FRMPD3: variants seen among roughly 807,000 people sequenced by gnomAD.
FRMPD3 encodes FERM and PDZ domain containing 3, also known as FERM and PDZ domain-containing protein 3.
FRMPD3 carries 42 observed loss-of-function variants against 97.9 expected under a neutral mutation model. The observed-to-expected ratio is 0.43, with a 90% CI of 0.34 to 0.55. The LOEUF (loss-of-function observed/expected upper bound fraction) is 0.55, where lower values mean the gene tolerates loss of function less well. Among genes scored for constraint, FRMPD3 ranks in the 20% least tolerant of loss-of-function variants. The pLI, the probability that FRMPD3 is intolerant of heterozygous loss-of-function variation, is 0.03. For synonymous variants in FRMPD3, 577 were observed against 581.1 expected (o/e 0.99, Z 0.10); for missense variants, 1,303 against 1,457.7 (o/e 0.89, Z 1.73).
At position 107,600,547 on chromosome X, in the gene FRMPD3, G is replaced by A. The variant is rs1451679884; in HGVS notation, c.2508G>A (p.Pro836=). 26 of 1,210,758 alleles carry A rather than the reference G, an allele frequency of 2.1e-5. No individual in the cohort carries two copies. The highest frequency in any genetic ancestry group is 5.3e-5 in the South Asian group (3 of 56,955). ...CGGCCCCTTACTCTCTTGGGCGCCC[G>A]GATCCCAACCCATCTCTCCAACCCA... ...VLTAPYSLGR[P]DPNPSLQPIA... Residue 836 remains proline, a synonymous_variant, in exon 15 of 15, where the codon CCG becomes CCA. Coordinates refer to ENST00000683843, the MANE Select transcript of FRMPD3 (RefSeq NM_001388459.1).
chrX:107,454,647 T>C (rs1931346369), intron 1 of FRMPD3, among the ~76,000 whole-genome samples: 1 of 111,764 alleles, frequency 8.9e-6, no homozygotes, highest in African/African-American at 3.3e-5. Flanking sequence ...ATTAATGTTG[T>C]GGAATATCCT....
intron 5 of FRMPD3, 41 bp from the exon 6 acceptor site, chrX:107,550,008 A>G: frequency 3.3e-6 from 3 of 915,410 alleles, no homozygotes; most frequent in Non-Finnish European, 4.7e-6. Flanking sequence ...ACTTCCTTCT[A>G]AATGAGCCGG....
chrX:107,602,917 GTATA>G lies in FRMPD3; in HGVS notation c.4879_4882del (p.Tyr1627SerfsTer4). 3.3e-6 allele frequency: 4 copies of G among 1,211,324 alleles called. No individual in the cohort carries two copies. Among genetic ancestry groups the G allele is most frequent in the Non-Finnish European group, 4.5e-6 (4 of 895,510 alleles). On this transcript the variant is annotated frameshift_variant, in exon 15 of 15. Transcript: ENST00000683843. LOFTEE classifies it high-confidence loss of function. ...AGCCCTATGTGTCTCAGATCTCCGA[GTATA>G]AGCTTGAGCTAGCTCTCAAGTTCAA...
At chrX:107,478,898 G>T (rs1309339507) in intron 1 of FRMPD3, among the ~76,000 whole-genome samples, 1 of 111,556 alleles carries the variant, frequency 9.0e-6, no homozygotes, top group Non-Finnish European at 1.9e-5. Context: ...GGTTTGGGGT[G>T]GGGTGGGGGT....
At chrX:107,547,575 T>G (rs1456144821) in intron 5 of FRMPD3, among the ~76,000 whole-genome samples, 1 of 111,597 alleles carries the variant, frequency 9.0e-6, no homozygotes, top group Non-Finnish European at 1.9e-5. Context: ...AGTGTGAGGC[T>G]CTTGTCTGGG....
chrX:107,468,439 G>A (rs1931613584), intron 1 of FRMPD3, among the ~76,000 whole-genome samples: 1 of 112,210 alleles, frequency 8.9e-6, no homozygotes, highest in African/African-American at 3.2e-5. Flanking sequence ...TCCCTGCCCT[G>A]CTGGAGCATG....
intron 1 of FRMPD3, among the ~76,000 whole-genome samples, chrX:107,459,768 C>T (rs1345688465): frequency 8.9e-6 from 1 of 112,580 alleles, no homozygotes. Context: ...CAGGACCACC[C>T]AATCAAACAG....
At chrX:107,503,395 A>G (rs1921960148) in intron 1 of FRMPD3, among the ~76,000 whole-genome samples, 1 of 112,007 alleles carries the variant, frequency 8.9e-6, no homozygotes, top group African/African-American at 3.2e-5. Flanking sequence ...CTCTTGATAT[A>G]TGGGGGAAAC....
chrX:107,572,252 T>C (rs1922919710), intron 12 of FRMPD3, among the ~76,000 whole-genome samples: 1 of 111,010 alleles, frequency 9.0e-6, no homozygotes, highest in Admixed American at 9.6e-5. Context: ...TAGGTTAAGG[T>C]ATGAAGATGT....
In FRMPD3 at chrX:107,603,107, C is replaced by G. The variant is rs1245172523; in HGVS notation, c.5068C>G (p.Leu1690Val). 4 of 1,210,817 alleles carry G rather than the reference C, an allele frequency of 3.3e-6. No individual in the cohort carries two copies. Among genetic ancestry groups the G allele is most frequent in the Non-Finnish European group, 4.5e-6 (4 of 895,394 alleles). ...CTCCGAGGCCCAGCGCCAAGAGCTG[C>G]TGGCCAAGGTAGAAGAGGTGGTGAG... Reference protein sequence around the residue: ...VRSEAQRQELLAKVEEVVRNY... With the variant: ...VRSEAQRQELVAKVEEVVRNY... The change falls in exon 15 of 15, where the codon CTG (leucine) becomes GTG (valine). Residue 1690 changes from leucine to valine, a missense_variant. By Grantham distance (32) the Leu-to-Val change is conservative (BLOSUM62 1). Around this residue, in one of 3 missense-constraint regions of FRMPD3, gnomAD observed 764 missense variants for 820.2 expected, o/e 0.93. Coordinates refer to ENST00000683843, the MANE Select transcript of FRMPD3 (RefSeq NM_001388459.1).
chrX:107,538,542 A>T (rs1028880698), intron 4 of FRMPD3, among the ~76,000 whole-genome samples: 1 of 45,864 alleles, frequency 2.2e-5, no homozygotes, highest in Non-Finnish European at 3.5e-5. Context: ...ATATTTGTTA[A>T]AAAAAAAAAA....
intron 1 of FRMPD3, among the ~76,000 whole-genome samples, chrX:107,510,630 CA>C (rs1166553877): frequency 1.8e-5 from 2 of 111,833 alleles, no homozygotes; most frequent in Non-Finnish European, 3.8e-5. Flanking sequence ...GAGGGTTCAC[CA>C]ACTTCATTCC....
At chrX:107,565,183 T>A (rs1282087606) in intron 12 of FRMPD3, 117 bp downstream of exon 12, 1 of 728,189 alleles carries the variant, frequency 1.4e-6, no homozygotes, top group Non-Finnish European at 2.0e-6. Context: ...AATTCTGAAG[T>A]GGTTCAACCC....
In FRMPD3 at chrX:107,576,295, TCTTCC is replaced by T. The variant is rs748538297; in HGVS notation, c.1297-15_1297-11del. 20 of 1,204,582 alleles carry T rather than the reference TCTTCC, an allele frequency of 1.7e-5. No individual in the cohort carries two copies. In the East Asian group the frequency reaches 5.3e-4, roughly 32 times the overall value. ...TCCCTCCTTCCCATGTCTTCATGTT[TCTTCC>T]CTTCTCTTCTGCAGCCTCTGGTGCT... On this transcript the variant is annotated splice_polypyrimidine_tract_variant and intron_variant, in intron 12 of 14. Coordinates refer to ENST00000683843, the MANE Select transcript of FRMPD3 (RefSeq NM_001388459.1).
At chrX:107,560,498 TG>T (rs1358359772) in intron 9 of FRMPD3, 105 bp downstream of exon 9, 1 of 1,039,893 alleles carries the variant, frequency 9.6e-7, no homozygotes, top group African/African-American at 1.9e-5. Flanking sequence ...GGACATGGGA[TG>T]GGAGTGAGAA....
At chrX:107,560,628 C>A in intron 9 of FRMPD3, 99 bp from the exon 10 acceptor site, 1 of 989,871 alleles carries the variant, frequency 1.0e-6, no homozygotes, top group Non-Finnish European at 1.4e-6. Flanking sequence ...TCTATTCCTC[C>A]ATCTCTACCT....
Position 107,576,186 on chromosome X carries a change from C to T in FRMPD3, c.1297-129C>T, listed in dbSNP as rs190301288. 22 of 658,758 alleles carry T rather than the reference C, an allele frequency of 3.3e-5. 1 individual carries two copies. The Admixed American group carries it at 5.5e-4, about 16-fold the overall frequency. The allele number at this position is 658,758 out of a possible 1,213,427, so 54.3% of individuals were successfully genotyped here. A position where few individuals can be genotyped will look rare whatever the true frequency, so the allele number is the denominator to read the frequency against. ...AAACTATTTGTCAAGCCATGTGCCT[C>T]AATTTTTGGTTCAGACAGTATGGTT... On this transcript the variant is annotated intron_variant, in intron 12 of 14. Transcript: ENST00000683843.
intron 1 of FRMPD3, among the ~76,000 whole-genome samples, chrX:107,457,566 T>C (rs1350151592): frequency 8.9e-6 from 1 of 111,889 alleles, no homozygotes; most frequent in East Asian, 2.8e-4. Context: ...ATGTCTTTCC[T>C]TGATATTGGC....
Position 107,598,024 on chromosome X carries a change from C to T in FRMPD3, c.2145C>T (p.Thr715=). ...TGACATTGATTGACAGTGTGCAGAC[C>T]CGGACAGTTCGAGATCATGCCCAGG... ...IPVTLIDSVQ[T]RTVRDHAQEL... Residue 715 remains threonine (T), a synonymous_variant, in exon 14 of 15, where the codon ACC becomes ACT. Transcript: ENST00000683843. 1 of 1,210,294 alleles carries T rather than the reference C, an allele frequency of 8.3e-7. No homozygotes were observed. Among genetic ancestry groups the T allele is most frequent in the Middle Eastern group, 2.3e-4 (1 of 4,355 alleles).
Sources: gnomAD v4.1 joint callset for allele counts (sites outside exome capture counted in the v4.1 genomes callset) on GRCh38, gnomAD v4.1.1 for gene constraint, gnomAD v4.1.1 regional missense constraint, MANE v1.5 for transcripts, NCBI Gene and HGNC (gene_info 2026-07-23, HGNC 2026-07-21) for gene names.